Variants in TAPBP observed in about 807,000 individuals in gnomAD.
TAPBP encodes the protein TAP binding protein, also known as tapasin.
Under a neutral mutation model 45.7 loss-of-function variants are expected in TAPBP, and 38 were observed. The ratio of observed to expected loss-of-function variants is 0.83; its 90% CI spans 0.64 to 1.09. TAPBP has a LOEUF of 1.09. TAPBP is among the 50% of genes least tolerant of loss of function. The pLI is 0.00. For synonymous variants in TAPBP, 226 were observed against 254.8 expected (o/e 0.89, Z 1.08); for missense variants, 513 against 587.3 (o/e 0.87, Z 1.31).
At chr6:33,303,917 G>A in intron 7 of TAPBP, 38 bp downstream of exon 7, 1 of 1,614,062 alleles carries the variant, frequency 6.2e-7, no homozygotes, top group Non-Finnish European at 8.5e-7. Flanking sequence ...AGGAGATAAA[G>A]TGACAAGGGA....
At chr6:33,309,065 T>C (rs1356330409) in intron 3 of TAPBP, among the ~76,000 whole-genome samples, 1 of 146,176 alleles carries the variant, frequency 6.8e-6, no homozygotes, top group African/African-American at 2.5e-5. Flanking sequence ...TTTGTCAAAA[T>C]CCAGAAACAT....
intron 3 of TAPBP, among the ~76,000 whole-genome samples, chr6:33,310,771 A>C (rs1769291053): frequency 6.6e-6 from 1 of 152,048 alleles, no homozygotes; most frequent in Admixed American, 6.6e-5. Context: ...GTGAGCTGAG[A>C]TCATGCCACT....
Position 33,313,769 on chromosome 6 carries a change from G to A in TAPBP, c.133C>T (p.Leu45=). The change falls in exon 2 of 8, where the codon CTG becomes TTG. Residue 45 remains leucine, a synonymous_variant. Coordinates refer to ENST00000434618, the MANE Select transcript of TAPBP (RefSeq NM_003190.5). This position sits in a 1 kb window ranked among gnomAD's most constrained non-coding sequence, Gnocchi z 7.2. ...GKGLAKRPGA[L]LLRQGPGEPP... ...TCCCCCGGTCCCTGGCGCAACAGCA[G>A]TGCACCGGGTCTCTTGGCCAGGCCC... The A allele has an allele frequency of 3.1e-6, 5 of 1,613,760 alleles. No individual in the cohort carries two copies. Among genetic ancestry groups the A allele is most frequent in the Non-Finnish European group, 3.4e-6 (4 of 1,180,024 alleles).
rs560915336 is a variant in TAPBP, at chr6:33,299,777, A to G, written c.*1983T>C. On this transcript the variant is annotated 3_prime_UTR_variant, in exon 8 of 8. Coordinates refer to ENST00000434618, the MANE Select transcript of TAPBP (RefSeq NM_003190.5). The surrounding 1 kb of genome is among the most constrained non-coding windows in gnomAD (Gnocchi z 5.0). ...TCTGGCCGACCGTCCTGACTCGGAG[A>G]TCCCTGAGCTGCGCCGCCGCTTCCT... The G allele has an allele frequency of 2.0e-5, 3 of 152,342 alleles. No homozygotes were observed. In the East Asian group the frequency reaches 5.8e-4, roughly 29 times the overall value. The allele number at this position is 152,342 out of a possible 1,614,324, so 9.4% of individuals were successfully genotyped here.
In TAPBP at chr6:33,305,780, C is replaced by T. The variant is rs946199130; in HGVS notation, c.470-393G>A. Among the ~76,000 whole-genome samples the T allele has an allele frequency of 2.6e-5, 4 of 152,286 alleles. No homozygotes were observed. Among genetic ancestry groups the T allele is most frequent in the African/African-American group, 7.2e-5 (3 of 41,554 alleles). ...GAACCAGGCCTTTCTTGATTACAGGCGAAGACAATGATTGAGCCATGACTG... is the reference window on the plus strand; with the variant it reads ...GAACCAGGCCTTTCTTGATTACAGGTGAAGACAATGATTGAGCCATGACTG... On this transcript the variant is annotated intron_variant, in intron 3 of 7. Coordinates refer to ENST00000434618, the MANE Select transcript of TAPBP (RefSeq NM_003190.5). This position sits in a 1 kb window ranked among gnomAD's most constrained non-coding sequence, Gnocchi z 4.4.
chr6:33,309,719 CCT>C (rs1769221571), intron 3 of TAPBP, among the ~76,000 whole-genome samples: 2 of 99,176 alleles, frequency 2.0e-5, no homozygotes, highest in South Asian at 8.1e-4. Context: ...CGACACCCAA[CCT>C]TTTTTTTTTT....
chr6:33,304,646 AAG>A lies in TAPBP; in HGVS notation c.869-10_869-9del. 6.4e-7 allele frequency: 1 copy of A among 1,553,598 alleles called. No homozygotes were observed. The highest frequency in any genetic ancestry group is 8.7e-7 in the Non-Finnish European group (1 of 1,154,878). On this transcript the variant is annotated splice_polypyrimidine_tract_variant and intron_variant, in intron 4 of 7. Coordinates refer to ENST00000434618, the MANE Select transcript of TAPBP (RefSeq NM_003190.5). ...GGGACACTTTGGGGGGTTCTGGGGA[AAG>A]AGGACGAAATGAGCATAGGGAAATC...
At chr6:33,312,665 C>G (rs1472031446) in intron 3 of TAPBP, among the ~76,000 whole-genome samples, 1 of 152,202 alleles carries the variant, frequency 6.6e-6, no homozygotes, top group East Asian at 1.9e-4. Flanking sequence ...AGAGCGGCAG[C>G]ACATCCCTAC....
At chr6:33,309,253 C>T (rs1769174680) in intron 3 of TAPBP, among the ~76,000 whole-genome samples, 1 of 152,012 alleles carries the variant, frequency 6.6e-6, no homozygotes, top group African/African-American at 2.4e-5. Flanking sequence ...GGCATGGTGG[C>T]ACACGCCTGT....
rs201502591 is a variant in TAPBP, at chr6:33,313,992, G to C, written c.37+13C>G. 1.0e-4 allele frequency: 163 copies of C among 1,613,932 alleles called. No individual in the cohort carries two copies. The African/African-American group carries it at 1.7e-3, about 17-fold the overall frequency. On this transcript the variant is annotated intron_variant, in intron 1 of 7. Transcript: ENST00000434618. This position sits in a 1 kb window ranked among gnomAD's most constrained non-coding sequence, Gnocchi z 7.2. The stretch of plus-strand genomic sequence containing the variant: ...CTCTAGTTCTTGGGCGATGAGTCGC[G>C]GGGTTCGCTCACCCAAAGCCACAGC...
At chr6:33,310,505 C>CAAAA (rs9280402) in intron 3 of TAPBP, among the ~76,000 whole-genome samples, 1 of 47,858 alleles carries the variant, frequency 2.1e-5, no homozygotes, top group Non-Finnish European at 3.8e-5. Context: ...GACTCTGTCT[C>CAAAA]AAAAAAAAAA....
At position 33,304,360 on chromosome 6, in the gene TAPBP, G is replaced by A. The variant is rs79026906; in HGVS notation, c.1147C>T (p.Arg383Ter). 1.2e-5 allele frequency: 20 copies of A among 1,611,506 alleles called. No individual in the cohort carries two copies. Among genetic ancestry groups the A allele is most frequent in the African/African-American group, 2.7e-5 (2 of 74,990 alleles). ...GCAGGCAGGCTGGGATGGTGAATTC[G>A]ACAGGCATAGCGTGCCCCATGCTGC... ...TEQHGARYAC[R>*]IHHPSLPASG... The change falls in exon 5 of 8, where the codon CGA (arginine) becomes TGA (stop). Residue 383 changes from arginine (R) to a stop codon, truncating the protein, a stop_gained. Transcript: ENST00000434618. LOFTEE classifies it high-confidence loss of function.
rs748838895 is a variant in TAPBP, at chr6:33,305,012, A to T, written c.845T>A (p.Val282Asp). The T allele has an allele frequency of 6.2e-7, 1 of 1,613,978 alleles. No individual in the cohort carries two copies. Among genetic ancestry groups the T allele is most frequent in the Non-Finnish European group, 8.5e-7 (1 of 1,179,886 alleles). Residue 282 changes from valine (V) to aspartate (D), a missense_variant, in exon 4 of 8, where the codon GTC becomes GAC. By Grantham distance (152) the Val-to-Asp change is radical. Transcript: ENST00000434618. The surrounding 1 kb of genome is among the most constrained non-coding windows in gnomAD (Gnocchi z 4.4). ...ACTGTACACAGCAAGCTCCAGGGTG[A>T]CCTGTCCTTGCAGGTATGGCAGGTG... ...TIHLPYLQGQ[V>D]TLELAVYKPP...
At chr6:33,308,689 G>A (rs1014779) in intron 3 of TAPBP, among the ~76,000 whole-genome samples, 65,919 of 151,848 alleles carry the variant, frequency 0.43, 15,244 homozygotes, top group South Asian at 0.61. Context: ...AATACAGCCC[G>A]ACACAAATTC....
At chr6:33,306,061 T>C (rs988675777) in intron 3 of TAPBP, among the ~76,000 whole-genome samples, 1 of 152,156 alleles carries the variant, frequency 6.6e-6, no homozygotes, top group African/African-American at 2.4e-5. Flanking sequence ...CTTCATGAGG[T>C]TGTTGTGATG....
chr6:33,308,739 T>G (rs1769139667), intron 3 of TAPBP, among the ~76,000 whole-genome samples: 1 of 152,160 alleles, frequency 6.6e-6, no homozygotes, highest in Non-Finnish European at 1.5e-5. Context: ...TTTCACATTT[T>G]TTTTTTTTAG....
chr6:33,305,942 G>GT lies in TAPBP; in HGVS notation c.470-556dup, dbSNP rs1283937344. Among the ~76,000 whole-genome samples the GT allele has an allele frequency of 6.6e-6, 1 of 152,138 alleles. No homozygotes were observed. The highest frequency in any genetic ancestry group is 1.5e-5 in the Non-Finnish European group (1 of 68,032). On this transcript the variant is annotated intron_variant, in intron 3 of 7. Transcript: ENST00000434618. The surrounding 1 kb of genome is among the most constrained non-coding windows in gnomAD (Gnocchi z 4.4). ...AAGTGCCTGGAGCCTGGCTGACCGG[G>GT]TTCAAATCCCCTCTGCAGCTTATTT... is the stretch of plus-strand genomic sequence containing the variant.
chr6:33,304,017 G>A, intron 6 of TAPBP, 28 bp from the exon 7 acceptor site: 6 of 1,613,856 alleles, frequency 3.7e-6, no homozygotes, highest in Non-Finnish European at 5.1e-6. Flanking sequence ...GAAGGGATGG[G>A]ATGCTGGAGT....
At position 33,304,331 on chromosome 6, in the gene TAPBP, C is replaced by T. The variant is rs768859558; in HGVS notation, c.1176G>A (p.Ser392=). Residue 392 remains serine, a synonymous_variant, in exon 5 of 8, where the codon TCG becomes TCA. Transcript: ENST00000434618. The part of the protein sequence containing the change: ...CRIHHPSLPA[S]GRSAEVTLEV... The stretch of plus-strand genomic sequence containing the variant: ...CCAGGGTGACCTCAGCGCTGCGCCC[C>T]GAGGCAGGCAGGCTGGGATGGTGAA... 2.8e-5 allele frequency: 45 copies of T among 1,607,206 alleles called. No homozygotes were observed. Among genetic ancestry groups the T allele is most frequent in the Non-Finnish European group, 3.6e-5 (42 of 1,175,788 alleles).
Sources: gnomAD v4.1 joint callset for allele counts (sites outside exome capture counted in the v4.1 genomes callset) on GRCh38, gnomAD v4.1.1 for gene constraint, Gnocchi (gnomAD v3.1) non-coding constraint, MANE v1.5 for transcripts, NCBI Gene and HGNC (gene_info 2026-07-23, HGNC 2026-07-21) for gene names.